ANKRD27: variants seen among roughly 807,000 people sequenced by gnomAD.
ANKRD27 encodes ankyrin repeat domain 27, also known as ankyrin repeat domain-containing protein 27.
In ANKRD27, 112 loss-of-function variants were observed where a neutral mutation model predicts 129.7. The ratio of observed to expected loss-of-function variants is 0.86; its 90% CI spans 0.74 to 1.01. The LOEUF (loss-of-function observed/expected upper bound fraction) is 1.01, where lower values mean the gene tolerates loss of function less well. ANKRD27 is among the 50% of genes least tolerant of loss of function. The probability of loss-of-function intolerance (pLI) is 0.00; values close to 1 mark genes in which losing one functional copy is unlikely to be tolerated. For synonymous variants in ANKRD27, 516 were observed against 511.2 expected (o/e 1.01, Z -0.13); for missense variants, 1,258 against 1,300.5 (o/e 0.97, Z 0.50).
intron 20 of ANKRD27, among the ~76,000 whole-genome samples, chr19:32,618,643 G>A (rs923499482): frequency 3.3e-4 from 50 of 152,154 alleles, no homozygotes; most frequent in Admixed American, 2.6e-3. Context: ...AGCATGTCAC[G>A]GCTTGTGGGT....
intron 2 of ANKRD27, 99 bp downstream of exon 2, chr19:32,658,815 G>T: frequency 9.5e-7 from 1 of 1,051,482 alleles, no homozygotes; most frequent in Non-Finnish European, 1.5e-6. Context: ...AGCTTGTTAA[G>T]CTGAGTTTAT....
At chr19:32,615,891 C>A in intron 21 of ANKRD27, 111 bp from the exon 22 acceptor site, 1 of 1,447,292 alleles carries the variant, frequency 6.9e-7, no homozygotes. Flanking sequence ...GCTTCCTTCT[C>A]CAACCCCACA....
chr19:32,645,064 T>C (rs1051584635), intron 4 of ANKRD27, among the ~76,000 whole-genome samples: 1 of 152,196 alleles, frequency 6.6e-6, no homozygotes, highest in Non-Finnish European at 1.5e-5. Context: ...AAAACAATTA[T>C]ATAGGTCTCC....
At chr19:32,649,016 C>T (rs1437547344) in intron 3 of ANKRD27, among the ~76,000 whole-genome samples, 1 of 147,456 alleles carries the variant, frequency 6.8e-6, no homozygotes, top group African/African-American at 2.5e-5. Flanking sequence ...GCCCAGGCTA[C>T]AGTGTGGTGA....
intron 22 of ANKRD27, among the ~76,000 whole-genome samples, chr19:32,613,511 T>C (rs1208233797): frequency 1.3e-5 from 2 of 152,174 alleles, no homozygotes; most frequent in Non-Finnish European, 2.9e-5. Flanking sequence ...GGCAGTTTTA[T>C]TGGTAATATT....
In ANKRD27 at chr19:32,642,914, C is replaced by T. The variant is rs1033554277; in HGVS notation, c.782+209G>A. The T allele has an allele frequency of 1.5e-4, 92 of 598,374 alleles. No homozygotes were observed. In the African/African-American group the frequency reaches 1.6e-3, roughly 10 times the overall value. The allele number at this position is 598,374 out of a possible 1,614,324, so 37.1% of individuals were successfully genotyped here. A position where few individuals can be genotyped will look rare whatever the true frequency, so the allele number is the denominator to read the frequency against. Reference sequence around the variant, plus strand: ...TGCCCAGCGGCTCCCATCCAGCTGGCGTGCTGGTGCAGTGTGGGAGGGGGA... The same window carrying T: ...TGCCCAGCGGCTCCCATCCAGCTGGTGTGCTGGTGCAGTGTGGGAGGGGGA... On this transcript the variant is annotated intron_variant, in intron 9 of 28. Coordinates refer to ENST00000306065, the MANE Select transcript of ANKRD27 (RefSeq NM_032139.3).
chr19:32,600,957 A>T (rs1971642728), intron 26 of ANKRD27, among the ~76,000 whole-genome samples: 2 of 152,126 alleles, frequency 1.3e-5, no homozygotes, highest in Non-Finnish European at 2.9e-5. Context: ...GCTGTTCGGC[A>T]ACTGCTGTTT....
chr19:32,650,173 T>G (rs1468293860), intron 2 of ANKRD27, among the ~76,000 whole-genome samples: 4 of 152,074 alleles, frequency 2.6e-5, no homozygotes, highest in Admixed American at 2.0e-4. Context: ...ACCCAGGGGC[T>G]CAGGGACAAG....
rs764235443 is a variant in ANKRD27, at chr19:32,604,404, A to G, written c.2514T>C (p.Ala838=). 3 of 1,610,362 alleles carry G rather than the reference A, an allele frequency of 1.9e-6. No individual in the cohort carries two copies. The highest frequency in any genetic ancestry group is 2.2e-5 in the East Asian group (1 of 44,754). ...LLLQHGASIN[A]SNNKGNTALH... ...GCGCTGTGTTGCCCTTATTGTTAGA[A>G]GCGTTAATGGAGGCCCCGTGCTGGA... Residue 838 remains alanine (A), a synonymous_variant, in exon 25 of 29, where the codon GCT becomes GCC. Transcript: ENST00000306065.
intron 24 of ANKRD27, among the ~76,000 whole-genome samples, chr19:32,605,249 T>C (rs1971714223): frequency 2.0e-5 from 3 of 151,996 alleles, no homozygotes; most frequent in South Asian, 4.2e-4. Context: ...CAGTGGTATG[T>C]ATCTGTAGTC....
At chr19:32,629,181 G>A (rs1568406306) in intron 13 of ANKRD27, among the ~76,000 whole-genome samples, 2 of 151,994 alleles carry the variant, frequency 1.3e-5, no homozygotes. Flanking sequence ...TCGGCCTCCC[G>A]AAGTGTTGGG....
chr19:32,652,524 G>A (rs143380340), intron 2 of ANKRD27, among the ~76,000 whole-genome samples: 1,931 of 151,366 alleles, frequency 0.013, 55 homozygotes, highest in African/African-American at 0.044. Context: ...GCAGTGAGCC[G>A]AGATCGCACC....
chr19:32,666,048 G>GT lies in ANKRD27; in HGVS notation c.-30-7004dup, dbSNP rs1482272991. ...CTCCCAAACTGTTGGGATTACAGGC[G>GT]TGAGCCACCACACTCAGCCCTATAA... On this transcript the variant is annotated intron_variant, in intron 1 of 28. Coordinates refer to ENST00000306065, the MANE Select transcript of ANKRD27 (RefSeq NM_032139.3). Among the ~76,000 whole-genome samples the GT allele has an allele frequency of 2.0e-5, 3 of 151,980 alleles. No homozygotes were observed. In the East Asian group the frequency reaches 5.8e-4, roughly 29 times the overall value.
At chr19:32,661,927 G>C (rs982687861) in intron 1 of ANKRD27, among the ~76,000 whole-genome samples, 2 of 152,106 alleles carry the variant, frequency 1.3e-5, no homozygotes, top group East Asian at 3.9e-4. Context: ...TGCTTTTAAG[G>C]TCAGTGCTTT....
chr19:32,599,970 A>G lies in ANKRD27; in HGVS notation c.2846+2T>C, dbSNP rs988045182. 2 of 1,610,888 alleles carry G rather than the reference A, an allele frequency of 1.2e-6. No homozygotes were observed. The highest frequency in any genetic ancestry group is 1.3e-5 in the African/African-American group (1 of 74,900). ...AGAAATCAACTTGAGTTTCATACTC[A>G]CTTAAACTGACCAGCTGAGTGGACA... On this transcript the variant is annotated splice_donor_variant, in intron 27 of 28. Transcript: ENST00000306065. LOFTEE classifies it high-confidence loss of function.
At chr19:32,610,438 T>C (rs1436849403) in intron 22 of ANKRD27, among the ~76,000 whole-genome samples, 1 of 149,420 alleles carries the variant, frequency 6.7e-6, no homozygotes, top group Non-Finnish European at 1.5e-5. Context: ...TGAGCTATGA[T>C]TGCAACACTG....
At chr19:32,662,010 C>T (rs1967654087) in intron 1 of ANKRD27, among the ~76,000 whole-genome samples, 2 of 152,216 alleles carry the variant, frequency 1.3e-5, no homozygotes, top group Middle Eastern at 3.4e-3. Context: ...CTTCACTATT[C>T]CCCCATCAGA....
chr19:32,653,860 C>T (rs1455872302), intron 2 of ANKRD27, among the ~76,000 whole-genome samples: 1 of 152,138 alleles, frequency 6.6e-6, no homozygotes, highest in African/African-American at 2.4e-5. Context: ...CAGGGAGAAG[C>T]GTGGTGCGGT....
At chr19:32,599,681 A>AT in intron 28 of ANKRD27, 23 bp downstream of exon 28, 1 of 1,599,514 alleles carries the variant, frequency 6.3e-7, no homozygotes, top group Non-Finnish European at 8.5e-7. Context: ...AATATGATTA[A>AT]AAGCCAGTGT....
Sources: allele counts gnomAD v4.1 joint callset (sites outside exome capture counted in the v4.1 genomes callset), GRCh38; gene constraint gnomAD v4.1.1; transcripts MANE v1.5; gene names NCBI Gene and HGNC (gene_info 2026-07-23, HGNC 2026-07-21).